Variants in CPNE8 observed in about 807,000 individuals in gnomAD.
CPNE8 encodes the protein copine 8.
Under a neutral mutation model 81.5 loss-of-function variants are expected in CPNE8, and 45 were observed. The observed-to-expected ratio is 0.55, with a 90% CI of 0.44 to 0.71. The LOEUF is 0.71. CPNE8 is among the 30% of genes least tolerant of loss of function. The pLI, the probability that CPNE8 is intolerant of heterozygous loss-of-function variation, is 0.00. For synonymous variants in CPNE8, 252 were observed against 226.3 expected (o/e 1.11, Z -1.02); for missense variants, 594 against 672.1 (o/e 0.88, Z 1.28).
intron 19 of CPNE8, among the ~76,000 whole-genome samples, chr12:38,663,036 C>T (rs992407906): frequency 6.6e-5 from 10 of 151,930 alleles, no homozygotes; most frequent in African/African-American, 2.4e-4. Flanking sequence ...TATGAAACTA[C>T]TAGAAAGAAA....
intron 6 of CPNE8, among the ~76,000 whole-genome samples, chr12:38,782,696 T>G (rs903798242): frequency 1.3e-5 from 2 of 152,050 alleles, no homozygotes; most frequent in South Asian, 4.1e-4. Context: ...TTGTTTTTTT[T>G]TTGAGACAGG....
chr12:38,657,383 A>C (rs1276174032), intron 19 of CPNE8, among the ~76,000 whole-genome samples: 1 of 152,182 alleles, frequency 6.6e-6, no homozygotes, highest in African/African-American at 2.4e-5. Flanking sequence ...GGAAGCTCGA[A>C]CTGGGTGGAG....
chr12:38,710,475 G>A (rs1271217361), intron 13 of CPNE8, among the ~76,000 whole-genome samples: 1 of 151,904 alleles, frequency 6.6e-6, no homozygotes, highest in East Asian at 1.9e-4. Context: ...TCAAATCTCT[G>A]GGTCCTAGTT....
chr12:38,701,698 T>C (rs375399418), intron 14 of CPNE8, among the ~76,000 whole-genome samples: 73 of 152,284 alleles, frequency 4.8e-4, no homozygotes, highest in African/African-American at 1.7e-3. Context: ...TTCACCATGT[T>C]GGCCACGCTG....
intron 15 of CPNE8, among the ~76,000 whole-genome samples, chr12:38,689,753 C>T (rs187455938): frequency 5.3e-5 from 8 of 152,318 alleles, no homozygotes; most frequent in Non-Finnish European, 4.4e-5. Flanking sequence ...CTCTATTGGT[C>T]CGCATGGAAG....
intron 19 of CPNE8, among the ~76,000 whole-genome samples, chr12:38,654,516 A>C (rs1938775468): frequency 7.0e-6 from 1 of 143,448 alleles, no homozygotes; most frequent in African/African-American, 2.6e-5. Flanking sequence ...CTCTGTCTCA[A>C]AAAAAAAAAA....
At chr12:38,883,668 C>G (rs766477055) in intron 1 of CPNE8, among the ~76,000 whole-genome samples, 3 of 152,140 alleles carry the variant, frequency 2.0e-5, no homozygotes, top group Non-Finnish European at 4.4e-5. Flanking sequence ...TATAACCTCA[C>G]TCCAAAATAG....
intron 4 of CPNE8, among the ~76,000 whole-genome samples, chr12:38,841,893 AAT>A (rs1428331432): frequency 6.6e-6 from 1 of 152,160 alleles, no homozygotes; most frequent in Admixed American, 6.5e-5. Context: ...AAATGCAGAG[AAT>A]ATGACTTCTT....
intron 10 of CPNE8, among the ~76,000 whole-genome samples, chr12:38,741,881 C>T (rs1004229626): frequency 4.6e-5 from 7 of 152,170 alleles, no homozygotes; most frequent in African/African-American, 7.2e-5. Flanking sequence ...ACAGACACTT[C>T]TCAAAAGGAA....
intron 14 of CPNE8, among the ~76,000 whole-genome samples, chr12:38,694,797 C>A (rs949212267): frequency 5.3e-5 from 8 of 152,080 alleles, no homozygotes; most frequent in African/African-American, 1.9e-4. Flanking sequence ...AGCATATGAA[C>A]CTCAATTTTA....
chr12:38,893,233 T>C (rs1449763430), intron 1 of CPNE8, among the ~76,000 whole-genome samples: 4 of 152,226 alleles, frequency 2.6e-5, no homozygotes, highest in Non-Finnish European at 4.4e-5. Context: ...GGCTGAGACC[T>C]GCTGGGCTGC....
At chr12:38,715,494 C>T (rs750008055) in intron 13 of CPNE8, among the ~76,000 whole-genome samples, 8 of 152,014 alleles carry the variant, frequency 5.3e-5, no homozygotes, top group East Asian at 3.9e-4. Flanking sequence ...GTTTAACATA[C>T]GCAATTCAAT....
Position 38,902,388 on chromosome 12 carries a change from A to G in CPNE8, c.98+3049T>C, listed in dbSNP as rs1315855688. ...AGAAAGAAAGAAAGAAAGAAAAGAA[A>G]GAAAGAGAAAGAAAGAAAGAAAGAA... On this transcript the variant is annotated intron_variant, in intron 1 of 19. Coordinates refer to ENST00000331366, the MANE Select transcript of CPNE8 (RefSeq NM_153634.3). Among the ~76,000 whole-genome samples, 7 of 85,224 alleles carry G rather than the reference A, an allele frequency of 8.2e-5. No homozygotes were observed. The East Asian group carries it at 1.2e-3, about 14-fold the overall frequency. 55.9% of individuals were successfully genotyped at this position (85,224 alleles called of 152,430 possible). A position where few individuals can be genotyped will look rare whatever the true frequency, so the allele number is the denominator to read the frequency against.
In CPNE8 at chr12:38,868,131, A is replaced by G. The variant is rs536816439; in HGVS notation, c.186+4873T>C. ...AAAATATACCTGAATTTAAATACAAACATAACCACTATATTATTGAGATAA... is the reference window on the plus strand; with the variant it reads ...AAAATATACCTGAATTTAAATACAAGCATAACCACTATATTATTGAGATAA... On this transcript the variant is annotated intron_variant, in intron 3 of 19. Transcript: ENST00000331366. Among the ~76,000 whole-genome samples the G allele has an allele frequency of 2.0e-5, 3 of 152,226 alleles. No individual in the cohort carries two copies. The South Asian group carries it at 6.2e-4, about 32-fold the overall frequency.
At chr12:38,758,858 A>G (rs1459000274) in intron 10 of CPNE8, among the ~76,000 whole-genome samples, 5 of 152,180 alleles carry the variant, frequency 3.3e-5, no homozygotes, top group Non-Finnish European at 7.4e-5. Context: ...TAGATTGGAG[A>G]CAATAGGAGA....
At chr12:38,904,987 G>C (rs954829259) in intron 1 of CPNE8, among the ~76,000 whole-genome samples, 1 of 152,158 alleles carries the variant, frequency 6.6e-6, no homozygotes, top group Admixed American at 6.5e-5. Flanking sequence ...AGCTGCCGGG[G>C]TTGGAGCCAA....
chr12:38,750,560 C>T (rs891200676), intron 10 of CPNE8, among the ~76,000 whole-genome samples: 4 of 152,186 alleles, frequency 2.6e-5, no homozygotes, highest in Non-Finnish European at 5.9e-5. Context: ...CGGAGTCAAA[C>T]GAGATGATTT....
chr12:38,664,213 A>G (rs1939016505), intron 19 of CPNE8, among the ~76,000 whole-genome samples: 1 of 152,136 alleles, frequency 6.6e-6, no homozygotes, highest in Non-Finnish European at 1.5e-5. Context: ...CATACATGTA[A>G]TGAAATATCA....
At position 38,665,819 on chromosome 12, in the gene CPNE8, C is replaced by T. The variant is rs371520591; in HGVS notation, c.1506+4910G>A. Among the ~76,000 whole-genome samples the T allele has an allele frequency of 2.6e-5, 4 of 152,172 alleles. 1 individual carries two copies. Among genetic ancestry groups the T allele is most frequent in the African/African-American group, 9.6e-5 (4 of 41,530 alleles). On this transcript the variant is annotated intron_variant, in intron 19 of 19. Coordinates refer to ENST00000331366, the MANE Select transcript of CPNE8 (RefSeq NM_153634.3). ...TAGTAAGCTTTATTTGTGATTAAGT[C>T]TCATTGCCTCAATATTTAATTTCAT...
Sources: gnomAD v4.1 joint callset for allele counts (sites outside exome capture counted in the v4.1 genomes callset) on GRCh38, gnomAD v4.1.1 for gene constraint, MANE v1.5 for transcripts, NCBI Gene and HGNC (gene_info 2026-07-23, HGNC 2026-07-21) for gene names.